The following PPP2R2C variants were observed in gnomAD, a reference collection of about 807,000 sequenced individuals.
PPP2R2C encodes protein phosphatase 2, regulatory subunit B, gamma.
PPP2R2C carries 10 observed loss-of-function variants against 45.3 expected under a neutral mutation model. That is an observed-to-expected ratio of 0.22 (90% CI 0.14 to 0.37). The LOEUF is 0.37. Ranked by LOEUF, PPP2R2C falls within the 10% of genes least tolerant of loss-of-function variation. The pLI is 1.00. For synonymous variants in PPP2R2C, 257 were observed against 245.4 expected, an observed-to-expected ratio of 1.05 and a Z score of -0.44; for missense variants, 308 against 619.7, an observed-to-expected ratio of 0.50 and a Z score of 5.34.
intron 1 of PPP2R2C, among the ~76,000 whole-genome samples, chr4:6,410,841 T>TTTATTTA (rs1718126450): frequency 7.1e-6 from 1 of 140,336 alleles, no homozygotes; most frequent in African/African-American, 2.7e-5. Flanking sequence ...ATTCCCCCTG[T>TTTATTTA]TTTATTTATT....
chr4:6,532,039 G>A (rs1209338680), intron 2 of PPP2R2C, among the ~76,000 whole-genome samples: 1 of 152,188 alleles, frequency 6.6e-6, no homozygotes, highest in Non-Finnish European at 1.5e-5. Context: ...CTTTGCAAAG[G>A]GCAGGAGGCT....
At chr4:6,523,826 C>T (rs1724102843) in intron 2 of PPP2R2C, among the ~76,000 whole-genome samples, 1 of 152,258 alleles carries the variant, frequency 6.6e-6, no homozygotes, top group African/African-American at 2.4e-5. Context: ...AGTATCCATC[C>T]ATCCACAGAC....
At chr4:6,351,160 A>C (rs1712516087) in intron 5 of PPP2R2C, 2 of 605,552 alleles carry the variant, frequency 3.3e-6, no homozygotes, top group Non-Finnish European at 4.1e-6. Context: ...AAAAATAAAA[A>C]AAAATTAGCC....
chr4:6,427,011 TAC>T, intron 1 of PPP2R2C, among the ~76,000 whole-genome samples: 1 of 152,204 alleles, frequency 6.6e-6, no homozygotes, highest in East Asian at 1.9e-4. Context: ...AGCGGCCACA[TAC>T]CACGGAGGGC....
chr4:6,350,654 A>T (rs2109233030), intron 5 of PPP2R2C: 1 of 896,800 alleles, frequency 1.1e-6, no homozygotes, highest in Non-Finnish European at 1.3e-6. Flanking sequence ...TTCTCTGAAC[A>T]TTCCAGGTTC....
In PPP2R2C at chr4:6,368,977, G is replaced by A. The variant is rs748029104; in HGVS notation, c.625+3546C>T. ...CCAGTAATGTAATATAGATGCAGAC[G>A]GGGAGACAGGATTCAATCCTTCTGA... On this transcript the variant is annotated intron_variant, in intron 5 of 8. Coordinates refer to ENST00000382599, the MANE Select transcript of PPP2R2C (RefSeq NM_020416.4). This position sits in a 1 kb window ranked among gnomAD's most constrained non-coding sequence, Gnocchi z 4.2. Among the ~76,000 whole-genome samples the A allele has an allele frequency of 1.3e-5, 2 of 152,150 alleles. No homozygotes were observed. The highest frequency in any genetic ancestry group is 2.9e-5 in the Non-Finnish European group (2 of 68,036).
chr4:6,449,061 C>T (rs1055116689), intron 1 of PPP2R2C, among the ~76,000 whole-genome samples: 39 of 152,278 alleles, frequency 2.6e-4, no homozygotes, highest in African/African-American at 8.4e-4. Flanking sequence ...GCCTCCAGAA[C>T]CTGTCAGAAG....
At chr4:6,349,382 A>G (rs1043148659) in intron 5 of PPP2R2C, 1 of 971,486 alleles carries the variant, frequency 1.0e-6, no homozygotes, top group African/African-American at 1.8e-5. Flanking sequence ...AGTCAGCAGT[A>G]TAGCCTTATC....
chr4:6,487,237 ATACTT>A (rs947142818), intron 2 of PPP2R2C, among the ~76,000 whole-genome samples: 4 of 152,030 alleles, frequency 2.6e-5, no homozygotes, highest in Admixed American at 2.0e-4. Flanking sequence ...AGAGCCAATT[ATACTT>A]TAAAGAGATT....
chr4:6,380,750 C>A (rs549756957), intron 2 of PPP2R2C, among the ~76,000 whole-genome samples: 1 of 152,240 alleles, frequency 6.6e-6, no homozygotes, highest in South Asian at 2.1e-4. Flanking sequence ...GCCACTCCCA[C>A]CTCGGCATTC....
rs138436293 is a variant in PPP2R2C at position 6,467,685 on chromosome 4, C to A, written c.70+4475G>T. 1.2e-4 allele frequency among the ~76,000 whole-genome samples: 19 copies of A among 152,244 alleles called. No individual in the cohort carries two copies. The East Asian group carries it at 2.7e-3, about 22-fold the overall frequency. ...TTCTTGATAAGCAGTCAGGGCTGTA[C>A]GAGTTGGGGTGCTATGGGCTGCAAG... On this transcript the variant is annotated intron_variant, in intron 1 of 8. Coordinates refer to ENST00000382599, the MANE Select transcript of PPP2R2C (RefSeq NM_020416.4).
At position 6,364,503 on chromosome 4, in the gene PPP2R2C, TAGG is replaced by T. The variant is rs1714098962; in HGVS notation, c.625+8017_625+8019del. 6.6e-6 allele frequency among the ~76,000 whole-genome samples: 1 copy of T among 151,590 alleles called. No homozygotes were observed. Among genetic ancestry groups the T allele is most frequent in the Admixed American group, 6.6e-5 (1 of 15,234 alleles). On this transcript the variant is annotated intron_variant, in intron 5 of 8. Transcript: ENST00000382599. This position sits in a 1 kb window ranked among gnomAD's most constrained non-coding sequence, Gnocchi z 5.3. Reference sequence around the variant, plus strand: ...TGTCGTTTTTTTTTTTCTCATGTTGTAGGAGAACAGACTGTAAGGAGACACCTG... The same window carrying T: ...TGTCGTTTTTTTTTTTCTCATGTTGTAGAACAGACTGTAAGGAGACACCTG...
chr4:6,369,238 C>T (rs746379612), intron 5 of PPP2R2C, among the ~76,000 whole-genome samples: 3 of 152,196 alleles, frequency 2.0e-5, no homozygotes, highest in Non-Finnish European at 1.5e-5. Flanking sequence ...ACGTTTTAGG[C>T]ACTCAGCAGG....
intron 2 of PPP2R2C, among the ~76,000 whole-genome samples, chr4:6,521,277 C>T (rs1724015548): frequency 6.6e-6 from 1 of 152,200 alleles, no homozygotes; most frequent in African/African-American, 2.4e-5. Flanking sequence ...TATCCTGCCA[C>T]TTGTATGTTG....
At chr4:6,510,685 A>G (rs957065074) in intron 2 of PPP2R2C, among the ~76,000 whole-genome samples, 2 of 152,096 alleles carry the variant, frequency 1.3e-5, no homozygotes, top group African/African-American at 4.8e-5. Flanking sequence ...CTCTTAGAAA[A>G]TGTTTGTTGA....
intron 3 of PPP2R2C, among the ~76,000 whole-genome samples, chr4:6,376,556 T>A (rs571038827): frequency 6.6e-6 from 1 of 152,138 alleles, no homozygotes; most frequent in East Asian, 1.9e-4. Context: ...CGGTCTCAGA[T>A]GATCCTTCAA....
At chr4:6,383,096 C>T (rs6851340) in intron 1 of PPP2R2C, 218,487 of 1,085,082 alleles carry the variant, frequency 0.2, 24,160 homozygotes, top group African/African-American at 0.44. Context: ...AACGGCAATT[C>T]GACAAGCCGC....
rs139957677 is a variant in PPP2R2C, at chr4:6,369,639, G to A, written c.625+2884C>T. ...GCACCATCCACAGTGCCACAGCTCCGGCACCTTCTGCCTCCTCATGCATCC... is the reference window on the plus strand; with the variant it reads ...GCACCATCCACAGTGCCACAGCTCCAGCACCTTCTGCCTCCTCATGCATCC... On this transcript the variant is annotated intron_variant, in intron 5 of 8. Transcript: ENST00000382599. Among the ~76,000 whole-genome samples, 878 of 152,268 alleles carry A rather than the reference G, an allele frequency of 5.8e-3. 1 individual carries two copies. The highest frequency in any genetic ancestry group is 0.01 in the Middle Eastern group (3 of 294).
Position 6,381,317 on chromosome 4 carries a change from C to T in PPP2R2C, c.71-223G>A, listed in dbSNP as rs1715778687. 19 of 1,521,180 alleles carry T rather than the reference C, an allele frequency of 1.2e-5. No individual in the cohort carries two copies. In the East Asian group the frequency reaches 4.8e-4, roughly 38 times the overall value. 94.2% of individuals were successfully genotyped at this position (1,521,180 alleles called of 1,614,324 possible). A position where few individuals can be genotyped will look rare whatever the true frequency, so the allele number is the denominator to read the frequency against. Reference sequence around the variant, plus strand: ...TCTGCACTGGCTGCAGGGCAGAGATCTCGGGACTTGGCACAGGCCTGGGGC... The same window carrying T: ...TCTGCACTGGCTGCAGGGCAGAGATTTCGGGACTTGGCACAGGCCTGGGGC... On this transcript the variant is annotated intron_variant, in intron 1 of 8. Coordinates refer to ENST00000382599, the MANE Select transcript of PPP2R2C (RefSeq NM_020416.4).
Sources: gnomAD v4.1 joint callset for allele counts (sites outside exome capture counted in the v4.1 genomes callset) on GRCh38, gnomAD v4.1.1 for gene constraint, Gnocchi (gnomAD v3.1) non-coding constraint, MANE v1.5 for transcripts, NCBI Gene and HGNC (gene_info 2026-07-23, HGNC 2026-07-21) for gene names.